Variants in TCF20 observed in about 807,000 individuals in gnomAD.
TCF20 encodes the protein SPRE-binding protein.
Under a neutral mutation model 148.6 loss-of-function variants are expected in TCF20, and 3 were observed. That is an observed-to-expected ratio of 0.02 (90% CI 0.01 to 0.05). The LOEUF (loss-of-function observed/expected upper bound fraction) is 0.05, where lower values mean the gene tolerates loss of function less well. TCF20 is among the 10% of genes least tolerant of loss of function. The pLI is 1.00. For synonymous variants in TCF20, 1,049 were observed against 909.5 expected, an observed-to-expected ratio of 1.15 and a Z score of -2.76; for missense variants, 2,350 against 2,429.3, an observed-to-expected ratio of 0.97 and a Z score of 0.69.
At chr22:42,246,928 TGCACTCCAGCCTGGGG>T (rs1332406802) in intron 1 of TCF20, among the ~76,000 whole-genome samples, 1 of 143,842 alleles carries the variant, frequency 7.0e-6, no homozygotes, top group African/African-American at 2.6e-5. Context: ...ATTGCGCCAC[TGCACTCCAGCCTGGGG>T]GACAGAGCAA....
chr22:42,315,228 G>A (rs958594766), intron 1 of TCF20, among the ~76,000 whole-genome samples: 4 of 152,160 alleles, frequency 2.6e-5, no homozygotes, highest in Non-Finnish European at 5.9e-5. Context: ...CACCTAATGG[G>A]GGCCTGAAGC....
intron 3 of TCF20, among the ~76,000 whole-genome samples, chr22:42,174,838 A>T (rs531882707): frequency 2.6e-5 from 4 of 152,162 alleles, no homozygotes; most frequent in Admixed American, 6.5e-5. Flanking sequence ...GATCGAGACC[A>T]TCCCGGCTAA....
chr22:42,194,618 G>A (rs1033830436), intron 2 of TCF20, among the ~76,000 whole-genome samples: 4 of 151,942 alleles, frequency 2.6e-5, no homozygotes, highest in Non-Finnish European at 5.9e-5. Flanking sequence ...CGGGGGTAGC[G>A]GTAGATGGTG....
chr22:42,179,543 A>T, intron 3 of TCF20, 66 bp downstream of exon 3: 1 of 1,022,160 alleles, frequency 9.8e-7, no homozygotes, highest in Non-Finnish European at 1.4e-6. Flanking sequence ...ACGACAACAG[A>T]GAGAATCAAA....
chr22:42,254,308 C>T (rs901598648), intron 1 of TCF20, among the ~76,000 whole-genome samples: 3 of 130,748 alleles, frequency 2.3e-5, no homozygotes, highest in African/African-American at 7.4e-5. Context: ...CAGCTCCACT[C>T]CACTTTCTTT....
chr22:42,187,181 T>C (rs1465256282), intron 2 of TCF20, among the ~76,000 whole-genome samples: 2 of 152,206 alleles, frequency 1.3e-5, no homozygotes, highest in Non-Finnish European at 2.9e-5. Context: ...CAACAGATGG[T>C]ACTATTCCTT....
chr22:42,228,788 A>G (rs1234990448), intron 1 of TCF20, among the ~76,000 whole-genome samples: 1 of 152,238 alleles, frequency 6.6e-6, no homozygotes, highest in Non-Finnish European at 1.5e-5. Flanking sequence ...TAAAGCCAAC[A>G]GAGTAGATGA....
intron 1 of TCF20, among the ~76,000 whole-genome samples, chr22:42,231,251 G>A (rs1301135519): frequency 5.3e-5 from 8 of 152,202 alleles, no homozygotes; most frequent in Non-Finnish European, 1.0e-4. Flanking sequence ...GGGAGGCAGA[G>A]GAGAAAGGAT....
At position 42,214,751 on chromosome 22, in the gene TCF20, T is replaced by C. The variant is rs1264248432; in HGVS notation, c.555A>G (p.Gln185=). 7 of 1,613,796 alleles carry C rather than the reference T, an allele frequency of 4.3e-6. No homozygotes were observed. Among genetic ancestry groups the C allele is most frequent in the Non-Finnish European group, 5.9e-6 (7 of 1,180,000 alleles). The change falls in exon 2 of 6, where the codon CAA becomes CAG. Residue 185 remains glutamine (Q), a synonymous_variant. Coordinates refer to ENST00000677622, the MANE Select transcript of TCF20 (RefSeq NM_001378418.1). ...QQQQQVQQLR[Q]QLYQSHQPLP... ...GGGGCTGATGGGACTGGTAAAGCTG[T>C]TGTCTCAACTGCTGGACTTGCTGCT... is the stretch of plus-strand genomic sequence containing the variant.
chr22:42,318,410 GC>G (rs1927672757), intron 1 of TCF20, among the ~76,000 whole-genome samples: 1 of 152,188 alleles, frequency 6.6e-6, no homozygotes, highest in African/African-American at 2.4e-5. Flanking sequence ...TTCCCTCGCG[GC>G]CTGTGAGAGG....
Position 42,209,428 on chromosome 22 carries a change from T to C in TCF20, c.5655+223A>G, listed in dbSNP as rs373039831. Among the ~76,000 whole-genome samples, 5 of 152,170 alleles carry C rather than the reference T, an allele frequency of 3.3e-5. No homozygotes were observed. In the East Asian group the frequency reaches 5.8e-4, roughly 18 times the overall value. The stretch of plus-strand genomic sequence containing the variant: ...GATGTGGCCCAAGAAACTTGAAATA[T>C]AATAATATGCTTCATAAGCATTATA... On this transcript the variant is annotated intron_variant, in intron 2 of 5. Coordinates refer to ENST00000677622, the MANE Select transcript of TCF20 (RefSeq NM_001378418.1).
intron 1 of TCF20, among the ~76,000 whole-genome samples, chr22:42,336,413 AG>A (rs1234941361): frequency 6.6e-6 from 1 of 151,240 alleles, no homozygotes; most frequent in East Asian, 1.9e-4. Flanking sequence ...TTCCCTGCTC[AG>A]GCCTGCTTCA....
At chr22:42,170,103 T>A (rs1936031772) in intron 3 of TCF20, among the ~76,000 whole-genome samples, 1 of 150,866 alleles carries the variant, frequency 6.6e-6, no homozygotes, top group Non-Finnish European at 1.5e-5. Context: ...TTGAAAAGAG[T>A]TAATGGTATG....
Position 42,213,159 on chromosome 22 carries a change from G to A in TCF20, c.2147C>T (p.Ala716Val), listed in dbSNP as rs1569150477. 6.2e-7 allele frequency: 1 copy of A among 1,614,154 alleles called. No individual in the cohort carries two copies. The change falls in exon 2 of 6, where the codon GCC becomes GTC. Residue 716 changes from alanine (A) to valine (V), a missense_variant. Coordinates refer to ENST00000677622, the MANE Select transcript of TCF20 (RefSeq NM_001378418.1). ...AAAGCCACTGACATTTCGTGGCACGGCTGACCCGAAACTATCTTTGTAACT... is the reference window on the plus strand; with the variant it reads ...AAAGCCACTGACATTTCGTGGCACGACTGACCCGAAACTATCTTTGTAACT... ...RYSYKDSFGSAVPRNVSGFPQ... is the reference protein window; with the variant it reads ...RYSYKDSFGSVVPRNVSGFPQ...
At chr22:42,309,350 G>A (rs1176890033) in intron 1 of TCF20, among the ~76,000 whole-genome samples, 1 of 151,974 alleles carries the variant, frequency 6.6e-6, no homozygotes, top group South Asian at 2.1e-4. Flanking sequence ...CAGGACGGGG[G>A]ACTACAGAGC....
chr22:42,269,216 T>C (rs930011085), intron 1 of TCF20, among the ~76,000 whole-genome samples: 5 of 152,102 alleles, frequency 3.3e-5, no homozygotes, highest in African/African-American at 1.2e-4. Flanking sequence ...GGTCCAATTA[T>C]CATTCAAAGA....
intron 5 of TCF20, among the ~76,000 whole-genome samples, chr22:42,164,983 G>T (rs1470582793): frequency 6.6e-6 from 1 of 152,224 alleles, no homozygotes; most frequent in African/African-American, 2.4e-5. Flanking sequence ...GCTTTGTGTG[G>T]AAGATGACAA....
At chr22:42,298,329 G>A (rs1259335652) in intron 1 of TCF20, among the ~76,000 whole-genome samples, 4 of 152,244 alleles carry the variant, frequency 2.6e-5, no homozygotes, top group African/African-American at 9.6e-5. Flanking sequence ...GCACATGGGC[G>A]ATTGACCCAA....
rs371202880 is a variant in TCF20, at chr22:42,174,768, G to A, written c.5749+4841C>T. 2.8e-4 allele frequency among the ~76,000 whole-genome samples: 42 copies of A among 151,854 alleles called. No homozygotes were observed. The South Asian group carries it at 6.9e-3, about 25-fold the overall frequency. On this transcript the variant is annotated intron_variant, in intron 3 of 5. Coordinates refer to ENST00000677622, the MANE Select transcript of TCF20 (RefSeq NM_001378418.1). ...GCCATTTTCTTGGCCAGGCGCGGTG[G>A]CTCACGCCTGTAATCCCAGCACTTT...
Sources: allele counts gnomAD v4.1 joint callset (sites outside exome capture counted in the v4.1 genomes callset), GRCh38; gene constraint gnomAD v4.1.1; transcripts MANE v1.5; gene names NCBI Gene and HGNC (gene_info 2026-07-23, HGNC 2026-07-21).